Variants in AAK1 observed in about 807,000 individuals in gnomAD.
AAK1 encodes AP2-associated protein kinase 1.
In AAK1, 37 loss-of-function variants were observed where a neutral mutation model predicts 116.0. The observed-to-expected ratio is 0.32, with a 90% CI of 0.25 to 0.42. AAK1 has a LOEUF of 0.42. Ranked by LOEUF, AAK1 falls within the 10% of genes least tolerant of loss-of-function variation. The pLI is 1.00. For synonymous variants in AAK1, 458 were observed against 439.9 expected (o/e 1.04, Z -0.51); for missense variants, 919 against 1,170.6 (o/e 0.79, Z 3.14).
rs1011995131 is a variant in AAK1, at chr2:69,468,701, A to C, written c.*7168T>G. The C allele has an allele frequency of 6.7e-5, 66 of 985,334 alleles. No homozygotes were observed. Among genetic ancestry groups the C allele is most frequent in the Non-Finnish European group, 8.0e-5 (66 of 829,950 alleles). 61.0% of individuals were successfully genotyped at this position (985,334 alleles called of 1,614,324 possible). A position where few individuals can be genotyped will look rare whatever the true frequency, so the allele number is the denominator to read the frequency against. On this transcript the variant is annotated 3_prime_UTR_variant, in exon 22 of 22. Transcript: ENST00000409085. ...TGTGCACAGAGACTGGCAAAAAAGC[A>C]GCTATCTATTGAACCAGGGGCACTT...
intron 2 of AAK1, among the ~76,000 whole-genome samples, chr2:69,594,436 G>A (rs7569145): frequency 0.11 from 17,424 of 152,112 alleles, 2,303 homozygotes; most frequent in African/African-American, 0.3. Flanking sequence ...GAACTTATTT[G>A]TTTATATGAA....
chr2:69,533,382 G>A (rs541780025), intron 5 of AAK1, among the ~76,000 whole-genome samples: 11 of 152,202 alleles, frequency 7.2e-5, no homozygotes, highest in South Asian at 2.1e-4. Context: ...TATCCAGGCC[G>A]TACTACTGTA....
intron 5 of AAK1, among the ~76,000 whole-genome samples, chr2:69,534,002 T>A (rs1044008912): frequency 6.6e-6 from 1 of 152,228 alleles, no homozygotes; most frequent in African/African-American, 2.4e-5. Flanking sequence ...ATACACACTT[T>A]AGGAATTTAA....
intron 2 of AAK1, among the ~76,000 whole-genome samples, chr2:69,578,599 A>C (rs985814683): frequency 6.6e-6 from 1 of 152,032 alleles, no homozygotes; most frequent in African/African-American, 2.4e-5. Flanking sequence ...TGAAGTCCTA[A>C]AACGTCCCAA....
intron 5 of AAK1, among the ~76,000 whole-genome samples, chr2:69,538,742 C>A (rs1363803316): frequency 6.6e-6 from 1 of 152,088 alleles, no homozygotes. Context: ...ATTAGCCACG[C>A]GTGGTGGCGG....
intron 16 of AAK1, 64 bp downstream of exon 16, chr2:69,505,505 G>C: frequency 7.8e-7 from 1 of 1,282,650 alleles, no homozygotes; most frequent in Non-Finnish European, 1.1e-6. Context: ...GTTATCTGTG[G>C]AGTAAAAAAC....
chr2:69,626,415 T>A (rs1156236607), intron 2 of AAK1, among the ~76,000 whole-genome samples: 1 of 151,802 alleles, frequency 6.6e-6, no homozygotes, highest in African/African-American at 2.4e-5. Context: ...CCAAATCCAA[T>A]TAACACTTAT....
In AAK1 at chr2:69,578,225, A is replaced by C. The variant is rs147623171; in HGVS notation, c.164-21247T>G. Reference sequence around the variant, plus strand: ...GTAAGAAGACGTGATGGGAGTGCGGAAAATGTTTTCAGTGAAATATAGAAT... The same window carrying C: ...GTAAGAAGACGTGATGGGAGTGCGGCAAATGTTTTCAGTGAAATATAGAAT... On this transcript the variant is annotated intron_variant, in intron 2 of 21. Transcript: ENST00000409085. Among the ~76,000 whole-genome samples, 287 of 152,326 alleles carry C rather than the reference A, an allele frequency of 1.9e-3. 1 individual carries two copies. Among genetic ancestry groups the C allele is most frequent in the African/African-American group, 6.5e-3 (270 of 41,566 alleles).
intron 3 of AAK1, among the ~76,000 whole-genome samples, chr2:69,549,269 C>T (rs897833266): frequency 3.3e-5 from 5 of 151,254 alleles, no homozygotes; most frequent in Non-Finnish European, 7.4e-5. Context: ...CTCGGGAGGC[C>T]GAGACAGGAG....
chr2:69,517,836 A>G (rs1003992996), intron 12 of AAK1, among the ~76,000 whole-genome samples: 3 of 151,972 alleles, frequency 2.0e-5, no homozygotes, highest in Non-Finnish European at 2.9e-5. Context: ...CTTAAAAGAT[A>G]TATCAGCCAG....
chr2:69,533,030 G>A (rs1670321801), intron 5 of AAK1, among the ~76,000 whole-genome samples: 1 of 152,054 alleles, frequency 6.6e-6, no homozygotes, highest in Non-Finnish European at 1.5e-5. Flanking sequence ...TATGCCGGAG[G>A]ACAGACCTGG....
chr2:69,517,119 T>C (rs1352404454), intron 12 of AAK1: 3 of 152,148 alleles, frequency 2.0e-5, no homozygotes, highest in Admixed American at 6.5e-5. Flanking sequence ...TTCCTAATGA[T>C]ACTAACTAAA....
At chr2:69,591,523 C>T (rs113480838) in intron 2 of AAK1, among the ~76,000 whole-genome samples, 11,385 of 129,738 alleles carry the variant, frequency 0.088, 1,325 homozygotes, top group African/African-American at 0.25. Flanking sequence ...TTTTCTTTTT[C>T]TTTTTTTTTT....
intron 2 of AAK1, among the ~76,000 whole-genome samples, chr2:69,580,772 G>T (rs1672508740): frequency 6.6e-6 from 1 of 152,166 alleles, no homozygotes; most frequent in Admixed American, 6.5e-5. Flanking sequence ...CTTGATCTCA[G>T]CTCTCCTATC....
In AAK1 at chr2:69,465,373, C is replaced by T. The variant is rs775574617; in HGVS notation, c.*10496G>A. 2.6e-5 allele frequency: 32 copies of T among 1,209,570 alleles called. No individual in the cohort carries two copies. Among genetic ancestry groups the T allele is most frequent in the Middle Eastern group, 3.0e-4 (1 of 3,356 alleles). 74.9% of individuals were successfully genotyped at this position (1,209,570 alleles called of 1,614,324 possible). On this transcript the variant is annotated 3_prime_UTR_variant, in exon 22 of 22. Coordinates refer to ENST00000409085, the MANE Select transcript of AAK1 (RefSeq NM_014911.5). ...GAAGGCTAAGCTGGGAGTGCCATGG[C>T]GGGTATTGAGGGTGGGATAGAGACA...
At chr2:69,581,976 C>T (rs988520757) in intron 2 of AAK1, among the ~76,000 whole-genome samples, 3 of 149,698 alleles carry the variant, frequency 2.0e-5, no homozygotes, top group African/African-American at 7.4e-5. Context: ...AGTGCCCTGT[C>T]TTTAAAAAAA....
At position 69,536,634 on chromosome 2, in the gene AAK1, G is replaced by A. The variant is rs182830857; in HGVS notation, c.535-4472C>T. ...GAACCTTTCCATTCTTTGAGAGTGC[G>A]ATGCTGCTGACCCCATTTCCTAGCC... On this transcript the variant is annotated intron_variant, in intron 5 of 21. Transcript: ENST00000409085. 3.9e-3 allele frequency among the ~76,000 whole-genome samples: 597 copies of A among 152,286 alleles called. 4 individuals carry two copies. Among genetic ancestry groups the A allele is most frequent in the Non-Finnish European group, 5.8e-3 (393 of 68,020 alleles).
intron 2 of AAK1, among the ~76,000 whole-genome samples, chr2:69,624,842 G>T (rs17036833): frequency 1.3e-5 from 2 of 152,064 alleles, no homozygotes; most frequent in African/African-American, 4.8e-5. Context: ...TGGAATAACC[G>T]AAACAATATT....
Position 69,464,625 on chromosome 2 carries a change from G to A in AAK1, c.*11244C>T, listed in dbSNP as rs1406044660. 6.6e-6 allele frequency: 1 copy of A among 152,552 alleles called. No individual in the cohort carries two copies. The highest frequency in any genetic ancestry group is 1.5e-5 in the Non-Finnish European group (1 of 68,034). 9.4% of individuals were successfully genotyped at this position (152,552 alleles called of 1,614,324 possible). On this transcript the variant is annotated 3_prime_UTR_variant, in exon 22 of 22. Coordinates refer to ENST00000409085, the MANE Select transcript of AAK1 (RefSeq NM_014911.5). ...TGATGGGGCAGGATTTCCCTCAAGT[G>A]GAAATGCTTCCTGTGCACACACACG...
Sources: allele counts gnomAD v4.1 joint callset (sites outside exome capture counted in the v4.1 genomes callset), GRCh38; gene constraint gnomAD v4.1.1; transcripts MANE v1.5; gene names NCBI Gene and HGNC (gene_info 2026-07-23, HGNC 2026-07-21).